The following ATRX variants were observed in gnomAD, a reference collection of about 807,000 sequenced individuals.
ATRX encodes the protein ATRX chromatin remodeler, also known as chromatin remodeler ATRX.
Under a neutral mutation model 172.6 loss-of-function variants are expected in ATRX, and 12 were observed. The observed-to-expected ratio is 0.07, with a 90% CI of 0.04 to 0.11. The LOEUF is 0.11. Among genes scored for constraint, ATRX ranks in the 10% least tolerant of loss-of-function variants. The pLI is 1.00. For synonymous variants in ATRX, 674 were observed against 594.7 expected (o/e 1.13, Z -1.94); for missense variants, 1,368 against 1,767.4 (o/e 0.77, Z 4.05).
intron 14 of ATRX, among the ~76,000 whole-genome samples, chrX:77,652,922 G>A (rs187794115): frequency 1.0e-3 from 105 of 105,211 alleles, no homozygotes; most frequent in South Asian, 6.8e-3. Flanking sequence ...ATGAAAAGAT[G>A]TTGAATATCA....
At chrX:77,741,440 T>TG (rs1316451927) in intron 1 of ATRX, among the ~76,000 whole-genome samples, 2,264 of 102,013 alleles carry the variant, frequency 0.022, 68 homozygotes, top group African/African-American at 0.073. Context: ...ACCTTTTTTT[T>TG]GGGGGGGGGA....
chrX:77,535,117 A>C (rs1472597460), intron 30 of ATRX, among the ~76,000 whole-genome samples: 1 of 112,338 alleles, frequency 8.9e-6, no homozygotes, highest in Non-Finnish European at 1.9e-5. Context: ...TTCAAATTTG[A>C]AGGTTCTTTC....
intron 1 of ATRX, among the ~76,000 whole-genome samples, chrX:77,774,608 C>T (rs1557201301): frequency 1.8e-5 from 2 of 108,972 alleles, no homozygotes; most frequent in Admixed American, 2.0e-4. Context: ...ACCCAGCAGG[C>T]GGAGCTTGCA....
rs189618851 is a variant in ATRX, at chrX:77,538,032, C to T, written c.6700-14631G>A. ...GGGAACAACACACGCTAGGGACTGT[C>T]GGGGTGAGGGTTGAGGGGAGGGAGA... On this transcript the variant is annotated intron_variant, in intron 30 of 34. Coordinates refer to ENST00000373344, the MANE Select transcript of ATRX (RefSeq NM_000489.6). 6.4e-5 allele frequency among the ~76,000 whole-genome samples: 7 copies of T among 109,931 alleles called. No homozygotes were observed. In the East Asian group the frequency reaches 1.2e-3, roughly 18 times the overall value.
rs781950107 is a variant in ATRX at position 77,734,394 on chromosome X, G to T, written c.21-17151C>A. On this transcript the variant is annotated intron_variant, in intron 1 of 34. Coordinates refer to ENST00000373344, the MANE Select transcript of ATRX (RefSeq NM_000489.6). ...GATCACACCACTGCACGCCAGCCTG[G>T]GTGATGAAATGAGACTCTGTCTCAA... is the stretch of plus-strand genomic sequence containing the variant. 9.0e-5 allele frequency among the ~76,000 whole-genome samples: 10 copies of T among 110,679 alleles called. No individual in the cohort carries two copies. In the South Asian group the frequency reaches 2.7e-3, roughly 30 times the overall value.
intron 34 of ATRX, among the ~76,000 whole-genome samples, chrX:77,509,771 C>A (rs886942858): frequency 9.0e-6 from 1 of 111,135 alleles, no homozygotes; most frequent in Non-Finnish European, 1.9e-5. Flanking sequence ...CCTATCCCAG[C>A]AGGCAGAACC....
At chrX:77,773,725 C>T (rs900600717) in intron 1 of ATRX, among the ~76,000 whole-genome samples, 14 of 109,237 alleles carry the variant, frequency 1.3e-4, no homozygotes, top group Admixed American at 1.3e-3. Flanking sequence ...GCACACCAGC[C>T]TGGGCGACAG....
At chrX:77,783,158 C>G (rs1425337640) in intron 1 of ATRX, among the ~76,000 whole-genome samples, 1 of 111,600 alleles carries the variant, frequency 9.0e-6, no homozygotes, top group Non-Finnish European at 1.9e-5. Flanking sequence ...TCACTTGAAC[C>G]TGGGAGGCGG....
At chrX:77,649,116 A>T (rs1557115411) in intron 15 of ATRX, among the ~76,000 whole-genome samples, 1 of 110,574 alleles carries the variant, frequency 9.0e-6, no homozygotes, top group Non-Finnish European at 1.9e-5. Flanking sequence ...GTGAGCTATG[A>T]TCACACTATA....
At chrX:77,762,470 C>T (rs988020559) in intron 1 of ATRX, among the ~76,000 whole-genome samples, 2 of 110,037 alleles carry the variant, frequency 1.8e-5, no homozygotes, top group African/African-American at 3.3e-5. Flanking sequence ...AATAAAGGTT[C>T]GTAGAACATG....
At chrX:77,627,779 A>G (rs2148312122) in intron 19 of ATRX, among the ~76,000 whole-genome samples, 1 of 109,616 alleles carries the variant, frequency 9.1e-6, no homozygotes, top group South Asian at 4.0e-4. Flanking sequence ...AACTGGGAGG[A>G]TCACTTGAGC....
At chrX:77,611,770 A>T (rs2067165089) in intron 22 of ATRX, among the ~76,000 whole-genome samples, 1 of 111,489 alleles carries the variant, frequency 9.0e-6, no homozygotes, top group African/African-American at 3.3e-5. Context: ...AGAATTTTGA[A>T]TGTTCTCACC....
At chrX:77,638,800 C>T (rs1322439489) in intron 15 of ATRX, among the ~76,000 whole-genome samples, 5 of 112,109 alleles carry the variant, frequency 4.5e-5, no homozygotes, top group Non-Finnish European at 9.4e-5. Context: ...ATAGCATAGG[C>T]CATTCAGACC....
At chrX:77,540,499 C>G (rs1418627128) in intron 30 of ATRX, among the ~76,000 whole-genome samples, 1 of 112,047 alleles carries the variant, frequency 8.9e-6, no homozygotes, top group Non-Finnish European at 1.9e-5. Flanking sequence ...CACCCTAAAT[C>G]AACAGAACAA....
chrX:77,682,098 G>T lies in ATRX; in HGVS notation c.3158C>A (p.Thr1053Asn), dbSNP rs151273832. 6.6e-6 allele frequency: 8 copies of T among 1,207,368 alleles called. No homozygotes were observed. In the African/African-American group the frequency reaches 1.2e-4, roughly 19 times the overall value. ...AGATAATTCATCCTTCTTTTTAGAA[G>T]TTTTATCTCTTATTTTTTTACTTTT... ...EKKSKKIRDK[T>N]SKKKDELSDY... The change falls in exon 9 of 35, where the codon ACT becomes AAT. Residue 1053 changes from threonine (T) to asparagine (N), a missense_variant. Physicochemically the swap from Thr to Asn is moderately conservative, Grantham distance 65 (BLOSUM62 0). Transcript: ENST00000373344.
intron 30 of ATRX, among the ~76,000 whole-genome samples, chrX:77,551,533 A>G (rs1309853293): frequency 2.7e-5 from 3 of 112,197 alleles, no homozygotes; most frequent in African/African-American, 6.5e-5. Flanking sequence ...AAACCTAGGC[A>G]ATACCATTCA....
intron 1 of ATRX, among the ~76,000 whole-genome samples, chrX:77,730,542 TCTC>T (rs1180007572): frequency 8.9e-6 from 1 of 111,904 alleles, no homozygotes; most frequent in Non-Finnish European, 1.9e-5. Context: ...TACACATTCT[TCTC>T]CTCAGCCCAT....
intron 15 of ATRX, among the ~76,000 whole-genome samples, chrX:77,642,708 T>G (rs1393719332): frequency 9.1e-6 from 1 of 110,110 alleles, no homozygotes; most frequent in Non-Finnish European, 1.9e-5. Flanking sequence ...AACAATAGAT[T>G]AGGAAGCTCC....
intron 27 of ATRX, among the ~76,000 whole-genome samples, chrX:77,588,009 A>G (rs985611206): frequency 8.9e-6 from 1 of 112,130 alleles, no homozygotes; most frequent in Non-Finnish European, 1.9e-5. Flanking sequence ...GAATAGCCAC[A>G]CTTTCCAATT....
Sources: gnomAD v4.1 joint callset for allele counts (sites outside exome capture counted in the v4.1 genomes callset) on GRCh38, gnomAD v4.1.1 for gene constraint, MANE v1.5 for transcripts, NCBI Gene and HGNC (gene_info 2026-07-23, HGNC 2026-07-21) for gene names.